DACH1: variants seen among roughly 807,000 people sequenced by gnomAD.
DACH1 encodes dachshund family transcription factor 1.
In DACH1, 12 loss-of-function variants were observed where a neutral mutation model predicts 54.2. The ratio of observed to expected loss-of-function variants is 0.22; its 90% CI spans 0.14 to 0.36. The LOEUF is 0.36. Ranked by LOEUF, DACH1 falls within the 10% of genes least tolerant of loss-of-function variation. The pLI, the probability that DACH1 is intolerant of heterozygous loss-of-function variation, is 1.00. For synonymous variants in DACH1, 386 were observed against 366.2 expected (o/e 1.05, Z -0.62); for missense variants, 805 against 929.8 (o/e 0.87, Z 1.75).
intron 1 of DACH1, among the ~76,000 whole-genome samples, chr13:71,682,514 C>A (rs991480706): frequency 1.3e-5 from 2 of 152,094 alleles, no homozygotes; most frequent in Non-Finnish European, 2.9e-5. Flanking sequence ...CAATACATAT[C>A]TAATGTGTGA....
intron 6 of DACH1, among the ~76,000 whole-genome samples, chr13:71,539,425 C>T (rs1289065038): frequency 6.6e-6 from 1 of 151,996 alleles, no homozygotes; most frequent in African/African-American, 2.4e-5. Context: ...AGAAACCTGT[C>T]AGAATTAACT....
chr13:71,588,926 G>A (rs1251393110), intron 3 of DACH1, among the ~76,000 whole-genome samples: 17 of 151,912 alleles, frequency 1.1e-4, no homozygotes, highest in African/African-American at 3.9e-4. Context: ...TTTAAATATA[G>A]CGAGATGTTT....
intron 6 of DACH1, among the ~76,000 whole-genome samples, chr13:71,519,554 T>G (rs933386912): frequency 6.6e-6 from 1 of 151,606 alleles, no homozygotes; most frequent in African/African-American, 2.4e-5. Flanking sequence ...AGCTAATAAA[T>G]GTCACAATTT....
chr13:71,555,652 A>T (rs1884197572), intron 6 of DACH1, among the ~76,000 whole-genome samples: 1 of 151,986 alleles, frequency 6.6e-6, no homozygotes, highest in Admixed American at 6.6e-5. Context: ...CACTATACTA[A>T]TTTTTACAAT....
Position 71,835,083 on chromosome 13 carries a change from T to C in DACH1, c.848+30839A>G, listed in dbSNP as rs928800776. On this transcript the variant is annotated intron_variant, in intron 1 of 10. Transcript: ENST00000613252. ...TCCTCAACTCCCCACCAAAATTCAT[T>C]GTTCTTCCTACATATTTGCTGGTGA... is the stretch of plus-strand genomic sequence containing the variant. Among the ~76,000 whole-genome samples, 10 of 152,156 alleles carry C rather than the reference T, an allele frequency of 6.6e-5. No homozygotes were observed. In the East Asian group the frequency reaches 1.9e-3, roughly 29 times the overall value.
intron 2 of DACH1, among the ~76,000 whole-genome samples, chr13:71,631,394 T>A (rs1411505355): frequency 6.6e-6 from 1 of 152,176 alleles, no homozygotes; most frequent in African/African-American, 2.4e-5. Context: ...GCTGCTGTTA[T>A]AGGACATGCC....
intron 1 of DACH1, among the ~76,000 whole-genome samples, chr13:71,707,953 A>C (rs1021498880): frequency 1.1e-4 from 16 of 152,154 alleles, no homozygotes; most frequent in African/African-American, 3.9e-4. Context: ...GCTCATAAGA[A>C]AGTTTCACCA....
At chr13:71,844,617 G>T (rs1329821505) in intron 1 of DACH1, among the ~76,000 whole-genome samples, 1 of 151,978 alleles carries the variant, frequency 6.6e-6, no homozygotes, top group Non-Finnish European at 1.5e-5. Flanking sequence ...ACATTGATGA[G>T]ACACTAAACA....
intron 10 of DACH1, among the ~76,000 whole-genome samples, chr13:71,444,876 G>A (rs1043603665): frequency 1.3e-5 from 2 of 151,916 alleles, no homozygotes; most frequent in African/African-American, 4.8e-5. Flanking sequence ...ACTCTATATT[G>A]TGTTGGAATA....
chr13:71,641,862 T>G (rs1877926659), intron 2 of DACH1, among the ~76,000 whole-genome samples: 1 of 152,190 alleles, frequency 6.6e-6, no homozygotes, highest in African/African-American at 2.4e-5. Context: ...GGTTTGAATT[T>G]ATTTCTTTTA....
At chr13:71,633,185 T>C (rs1040120234) in intron 2 of DACH1, among the ~76,000 whole-genome samples, 5 of 152,178 alleles carry the variant, frequency 3.3e-5, no homozygotes. Flanking sequence ...CCAGGAACCA[T>C]GACTATGCAT....
intron 1 of DACH1, among the ~76,000 whole-genome samples, chr13:71,739,310 T>C (rs907768324): frequency 2.0e-5 from 3 of 151,974 alleles, no homozygotes; most frequent in Non-Finnish European, 2.9e-5. Context: ...GGAATCATGG[T>C]TCGAGGCACC....
At position 71,489,085 on chromosome 13, in the gene DACH1, T is replaced by C. The variant is rs1243498725; in HGVS notation, c.1634A>G (p.His545Arg). Residue 545 changes from histidine to arginine, a missense_variant, in exon 7 of 11, where the codon CAT (histidine) becomes CGT (arginine). By Grantham distance (29) the His-to-Arg change is conservative. Coordinates refer to ENST00000613252, the MANE Select transcript of DACH1 (RefSeq NM_080759.6). Reference protein sequence around the residue: ...DSLDKLSLTGHGQPLPPGFPS... With the variant: ...DSLDKLSLTGRGQPLPPGFPS... ...AAAACCTGGAGGCAGTGGTTGTCCA[T>C]GCCCAGTTAGAGAGAGTTTGTCAAG... 14 of 1,613,930 alleles carry C rather than the reference T, an allele frequency of 8.7e-6. No individual in the cohort carries two copies. The highest frequency in any genetic ancestry group is 1.1e-5 in the South Asian group (1 of 91,070).
chr13:71,746,053 A>C (rs1884590681), intron 1 of DACH1, among the ~76,000 whole-genome samples: 1 of 152,056 alleles, frequency 6.6e-6, no homozygotes, highest in Admixed American at 6.5e-5. Flanking sequence ...ACCCCTCTCT[A>C]CTAAAAATAC....
chr13:71,726,382 C>A (rs959978707), intron 1 of DACH1, among the ~76,000 whole-genome samples: 1 of 151,980 alleles, frequency 6.6e-6, no homozygotes. Context: ...GTAAACTCAG[C>A]GTGACTTAAC....
chr13:71,456,732 G>T (rs1593721455), intron 10 of DACH1, among the ~76,000 whole-genome samples: 1 of 151,972 alleles, frequency 6.6e-6, no homozygotes, highest in Admixed American at 6.6e-5. Context: ...AAACCTACTT[G>T]CATGGCTTTA....
At chr13:71,780,367 A>G (rs967371282) in intron 1 of DACH1, among the ~76,000 whole-genome samples, 1 of 152,168 alleles carries the variant, frequency 6.6e-6, no homozygotes, top group African/African-American at 2.4e-5. Flanking sequence ...CATTGACACT[A>G]TCATTTAAAT....
chr13:71,813,896 T>C (rs745581222), intron 1 of DACH1, among the ~76,000 whole-genome samples: 79 of 152,150 alleles, frequency 5.2e-4, no homozygotes, highest in Admixed American at 8.5e-4. Flanking sequence ...ATCTATCCAA[T>C]GTGAAATGCC....
intron 1 of DACH1, among the ~76,000 whole-genome samples, chr13:71,809,098 G>A (rs1887614894): frequency 6.6e-6 from 1 of 152,132 alleles, no homozygotes; most frequent in Non-Finnish European, 1.5e-5. Context: ...ATAAAGTTTT[G>A]TCATTTTGGT....
Sources: allele counts gnomAD v4.1 joint callset (sites outside exome capture counted in the v4.1 genomes callset), GRCh38; gene constraint gnomAD v4.1.1; transcripts MANE v1.5; gene names NCBI Gene and HGNC (gene_info 2026-07-23, HGNC 2026-07-21).